MMP25: variants seen among roughly 807,000 people sequenced by gnomAD.
MMP25 encodes matrix metallopeptidase 25, also known as matrix metalloproteinase-25.
MMP25 carries 68 observed loss-of-function variants against 62.1 expected under a neutral mutation model. The ratio of observed to expected loss-of-function variants is 1.10; its 90% CI spans 0.90 to 1.34. MMP25 has a LOEUF of 1.34. Ranked by LOEUF, MMP25 falls within the 40% of genes most tolerant of loss-of-function variation. MMP25 has a pLI of 0.00. For missense variants in MMP25, 942 were observed against 792.5 expected, an observed-to-expected ratio of 1.19 and a Z score of -2.26; for synonymous variants, 407 against 345.6, an observed-to-expected ratio of 1.18 and a Z score of -1.97.
chr16:3,050,204 C>T, intron 3 of MMP25, 50 bp from the exon 4 acceptor site: 1 of 1,575,780 alleles, frequency 6.3e-7, no homozygotes, highest in African/African-American at 1.3e-5. Flanking sequence ...CTTTGAATGG[C>T]TGCCTGCTCC....
Position 3,058,971 on chromosome 16 carries a change from C to G in MMP25, c.1562C>G (p.Pro521Arg). The G allele has an allele frequency of 2.6e-6, 4 of 1,554,270 alleles. No homozygotes were observed. Among genetic ancestry groups the G allele is most frequent in the South Asian group, 1.2e-5 (1 of 84,348 alleles). Residue 521 changes from proline (P) to arginine (R), a missense_variant, in exon 10 of 10, where the codon CCC becomes CGC. Physicochemically the swap from Pro to Arg is moderately radical, Grantham distance 103. Coordinates refer to ENST00000336577, the MANE Select transcript of MMP25 (RefSeq NM_022468.5). Reference sequence around the variant, plus strand: ...TCTGGTCCCCGCGCCCCCAGGCCCCCCAAAGCGACCCCCGTGTCCGAAACC... The same window carrying G: ...TCTGGTCCCCGCGCCCCCAGGCCCCGCAAAGCGACCCCCGTGTCCGAAACC... ...PSSGPRAPRPPKATPVSETCD... is the reference protein window; with the variant it reads ...PSSGPRAPRPRKATPVSETCD...
At chr16:3,056,769 A>G (rs1238812495) in intron 4 of MMP25, 3 of 402,016 alleles carry the variant, frequency 7.5e-6, no homozygotes, top group Non-Finnish European at 1.3e-5. Flanking sequence ...GAGGGGCCCC[A>G]TCGGTGTGTA....
In MMP25 at chr16:3,059,913, C is replaced by T. The variant is rs928988167; in HGVS notation, c.*815C>T. On this transcript the variant is annotated 3_prime_UTR_variant, in exon 10 of 10. Transcript: ENST00000336577. ...CCAGGCCACCCAACTTGGGCACCTC[C>T]CTGGGCCCAGAACTGCCTTCCATTC... 1 of 152,536 alleles carries T rather than the reference C, an allele frequency of 6.6e-6. No homozygotes were observed. The allele number at this position is 152,536 out of a possible 1,614,324, so 9.4% of individuals were successfully genotyped here.
intron 2 of MMP25, among the ~76,000 whole-genome samples, chr16:3,048,688 T>C (rs928946371): frequency 1.2e-4 from 18 of 152,200 alleles, no homozygotes; most frequent in Admixed American, 1.1e-3. Context: ...TGAAGAGCTC[T>C]GGCGAGAGGC....
intron 2 of MMP25, 42 bp from the exon 3 acceptor site, chr16:3,049,967 C>G (rs1316199990): frequency 3.7e-6 from 6 of 1,602,910 alleles, no homozygotes; most frequent in Non-Finnish European, 4.2e-6. Context: ...GGCAGGCTCT[C>G]CTATTGTGGA....
Position 3,058,261 on chromosome 16 carries a change from C to A in MMP25, c.1087C>A (p.Leu363Met), listed in dbSNP as rs1475244352. The change falls in exon 8 of 10, where the codon CTG becomes ATG. Residue 363 changes from leucine (L) to methionine (M), a missense_variant. Transcript: ENST00000336577. ...ACGGCTGCACCGCTTCTGGGAGGGGCTGCCCGCCCAGGTGAGGGTGGTGCA... is the reference window on the plus strand; with the variant it reads ...ACGGCTGCACCGCTTCTGGGAGGGGATGCCCGCCCAGGTGAGGGTGGTGCA... ...PARLHRFWEG[L>M]PAQVRVVQAA... is the part of the protein sequence containing the mutation. 6.2e-7 allele frequency: 1 copy of A among 1,611,594 alleles called. No homozygotes were observed. Among genetic ancestry groups the A allele is most frequent in the Non-Finnish European group, 8.5e-7 (1 of 1,179,310 alleles).
intron 9 of MMP25, 29 bp downstream of exon 9, chr16:3,058,698 T>C: frequency 6.4e-7 from 1 of 1,554,650 alleles, no homozygotes; most frequent in Non-Finnish European, 8.7e-7. Context: ...TGCGGGTTAC[T>C]GGGCCTGGGG....
At chr16:3,056,949 G>A in intron 4 of MMP25, 84 bp from the exon 5 acceptor site, 1 of 1,443,090 alleles carries the variant, frequency 6.9e-7, no homozygotes. Context: ...GTTCCTGTTG[G>A]CCCCAGCTGC....
intron 4 of MMP25, chr16:3,053,900 G>A (rs1454648111): frequency 6.6e-6 from 1 of 152,068 alleles, no homozygotes; most frequent in Non-Finnish European, 1.5e-5. Context: ...AATGCAGTGG[G>A]GATAGGTGTG....
At position 3,047,405 on chromosome 16, in the gene MMP25, G is replaced by A. The variant is rs1305370198; in HGVS notation, c.100-10G>A. On this transcript the variant is annotated splice_polypyrimidine_tract_variant and intron_variant, in intron 1 of 9. Transcript: ENST00000336577. ...CCAGCCCGCTTCACCTGCCCCCTCC[G>A]ATGCCCTAGGACTGGCTGACTCGCT... The A allele has an allele frequency of 6.2e-7, 1 of 1,607,026 alleles. No individual in the cohort carries two copies. Among genetic ancestry groups the A allele is most frequent in the Non-Finnish European group, 8.5e-7 (1 of 1,175,592 alleles).
At chr16:3,056,878 T>C (rs922519706) in intron 4 of MMP25, 155 bp from the exon 5 acceptor site, 1 of 658,596 alleles carries the variant, frequency 1.5e-6, no homozygotes, top group African/African-American at 1.9e-5. Context: ...ACAGGGATGA[T>C]GGAGAGTTCA....
In MMP25 at chr16:3,058,804, G is replaced by C. The variant is rs1022074926; in HGVS notation, c.1418-23G>C. 6 of 1,499,522 alleles carry C rather than the reference G, an allele frequency of 4.0e-6. No homozygotes were observed. In the Admixed American group the frequency reaches 9.0e-5, roughly 22 times the overall value. 92.9% of individuals were successfully genotyped at this position (1,499,522 alleles called of 1,614,324 possible). On this transcript the variant is annotated intron_variant, in intron 9 of 9. Coordinates refer to ENST00000336577, the MANE Select transcript of MMP25 (RefSeq NM_022468.5). ...GGAGCGGCGGGGCGGGGAGGGACCG[G>C]GACTCAAGCTCTGCTCCTCCAGGTG...
At chr16:3,048,568 C>G (rs1389026533) in intron 2 of MMP25, among the ~76,000 whole-genome samples, 1 of 152,160 alleles carries the variant, frequency 6.6e-6, no homozygotes, top group East Asian at 1.9e-4. Flanking sequence ...TGAGCTGAGA[C>G]CACAAAGAGG....
rs1471562027 is a variant in MMP25 at position 3,059,238 on chromosome 16, G to C, written c.*140G>C. 2 of 1,018,260 alleles carry C rather than the reference G, an allele frequency of 2.0e-6. No individual in the cohort carries two copies. The highest frequency in any genetic ancestry group is 6.9e-5 in the Admixed American group (2 of 28,786). The allele number at this position is 1,018,260 out of a possible 1,614,324, so 63.1% of individuals were successfully genotyped here. On this transcript the variant is annotated 3_prime_UTR_variant, in exon 10 of 10. Coordinates refer to ENST00000336577, the MANE Select transcript of MMP25 (RefSeq NM_022468.5). ...GGCTCGGGCGCGGACTAAGCAGGGGGGATCTCCCGCGCAGGGGCGGCGGCG... is the reference window on the plus strand; with the variant it reads ...GGCTCGGGCGCGGACTAAGCAGGGGCGATCTCCCGCGCAGGGGCGGCGGCG...
At chr16:3,058,762 G>T (rs964405153) in intron 9 of MMP25, 65 bp from the exon 10 acceptor site, 2 of 1,512,936 alleles carry the variant, frequency 1.3e-6, no homozygotes, top group African/African-American at 1.4e-5. Flanking sequence ...GCGGGGATGG[G>T]GGTCCTTGGG....
Position 3,058,521 on chromosome 16 carries a change from A to G in MMP25, c.1269A>G (p.Pro423=). The G allele has an allele frequency of 6.2e-7, 1 of 1,610,730 alleles. No individual in the cohort carries two copies. The highest frequency in any genetic ancestry group is 8.5e-7 in the Non-Finnish European group (1 of 1,179,294). ...GEEVDAVFSW[P]QNGKTYLVRG... The stretch of plus-strand genomic sequence containing the variant: ...AGGTGGACGCCGTGTTCTCGTGGCC[A>G]CAGAACGGGAAGACCTACCTGGTCC... The change falls in exon 9 of 10, where the codon CCA becomes CCG. Residue 423 remains proline, a synonymous_variant. Transcript: ENST00000336577.
At position 3,057,372 on chromosome 16, in the gene MMP25, C is replaced by T; in HGVS notation, c.901C>T (p.Pro301Ser). ...TRKPLAPPPQ[P>S]PASPTHSPSF... ...GAAACCCCTGGCTCCTCCGCCCCAGCCCCCGGCCTCGCCCACACACAGGTG... is the reference window on the plus strand; with the variant it reads ...GAAACCCCTGGCTCCTCCGCCCCAGTCCCCGGCCTCGCCCACACACAGGTG... The change falls in exon 6 of 10, where the codon CCC (proline) becomes TCC (serine). Residue 301 changes from proline to serine, a missense_variant. Pro to Ser is a moderately conservative substitution (Grantham distance 74). Transcript: ENST00000336577. 5 of 1,612,644 alleles carry T rather than the reference C, an allele frequency of 3.1e-6. No individual in the cohort carries two copies. The highest frequency in any genetic ancestry group is 2.2e-5 in the East Asian group (1 of 44,874).
intron 4 of MMP25, chr16:3,051,966 A>T (rs763107493): frequency 2.6e-5 from 4 of 152,018 alleles, no homozygotes; most frequent in African/African-American, 4.8e-5. Flanking sequence ...CTCTACTAAA[A>T]ATACAAAAAA....
chr16:3,046,974 G>C lies in MMP25; in HGVS notation c.57G>C (p.Ala19=), dbSNP rs926210423. ...ALLLLLLAPP[A]RAPKPSAQDV... is the part of the protein sequence containing the mutation. ...TGCTTCTGCTGCTGGCACCGCCCGC[G>C]CGCGCCCCGAAGCCCTCGGCGCAGG... is the stretch of plus-strand genomic sequence containing the variant. Residue 19 remains alanine (A), a synonymous_variant, in exon 1 of 10, where the codon GCG becomes GCC. Transcript: ENST00000336577. The C allele has an allele frequency of 3.4e-6, 5 of 1,471,412 alleles. No homozygotes were observed. In the African/African-American group the frequency reaches 7.4e-5, roughly 22 times the overall value. The allele number at this position is 1,471,412 out of a possible 1,614,324, so 91.1% of individuals were successfully genotyped here. A position where few individuals can be genotyped will look rare whatever the true frequency, so the allele number is the denominator to read the frequency against.
Sources: allele counts gnomAD v4.1 joint callset (sites outside exome capture counted in the v4.1 genomes callset), GRCh38; gene constraint gnomAD v4.1.1; transcripts MANE v1.5; gene names NCBI Gene and HGNC (gene_info 2026-07-23, HGNC 2026-07-21).